IGF2R: variants seen among roughly 807,000 people sequenced by gnomAD.
IGF2R encodes insulin like growth factor 2 receptor.
IGF2R carries 91 observed loss-of-function variants against 270.6 expected under a neutral mutation model. The ratio of observed to expected loss-of-function variants is 0.34; its 90% CI spans 0.28 to 0.40. IGF2R has a LOEUF of 0.40. IGF2R is among the 10% of genes least tolerant of loss of function. The pLI, the probability that IGF2R is intolerant of heterozygous loss-of-function variation, is 1.00. For missense variants in IGF2R, 2,805 were observed against 3,188.3 expected, an observed-to-expected ratio of 0.88 and a Z score of 2.90; for synonymous variants, 1,316 against 1,258.9, an observed-to-expected ratio of 1.05 and a Z score of -0.96.
chr6:159,981,967 C>T (rs545909712), intron 1 of IGF2R, among the ~76,000 whole-genome samples: 2 of 152,310 alleles, frequency 1.3e-5, no homozygotes, highest in Non-Finnish European at 2.9e-5. Flanking sequence ...TTGTATTTGT[C>T]GGCCCTGTAT....
intron 2 of IGF2R, chr6:160,005,432 C>CAG (rs1488198901): frequency 6.6e-6 from 1 of 152,120 alleles, no homozygotes; most frequent in East Asian, 1.9e-4. Context: ...GCCGGTGTCG[C>CAG]CCTTGGCCAC....
In IGF2R at chr6:160,079,790, A is replaced by G; in HGVS notation, c.5686+3A>G. ...GAATGGTGATCGTTGCCCTCCAGGT[A>G]AATATTTGCAATGAGGTAAATAAAC... On this transcript the variant is annotated splice_donor_region_variant and intron_variant, in intron 38 of 47. Transcript: ENST00000356956. The G allele has an allele frequency of 6.9e-7, 1 of 1,449,224 alleles. No homozygotes were observed. The highest frequency in any genetic ancestry group is 9.1e-7 in the Non-Finnish European group (1 of 1,096,292). 89.8% of individuals were successfully genotyped at this position (1,449,224 alleles called of 1,614,324 possible). A position where few individuals can be genotyped will look rare whatever the true frequency, so the allele number is the denominator to read the frequency against.
intron 4 of IGF2R, among the ~76,000 whole-genome samples, chr6:160,018,111 C>T (rs993899159): frequency 6.6e-6 from 1 of 151,904 alleles, no homozygotes; most frequent in Admixed American, 6.6e-5. Flanking sequence ...ATGCTGCTTA[C>T]AAGAAAGCCA....
chr6:160,023,840 A>G (rs1777492344), intron 4 of IGF2R, among the ~76,000 whole-genome samples: 1 of 152,116 alleles, frequency 6.6e-6, no homozygotes, highest in African/African-American at 2.4e-5. Context: ...GTAGACAGGA[A>G]AGAGGGCTGC....
At chr6:160,093,349 G>T in intron 44 of IGF2R, 1 of 254,200 alleles carries the variant, frequency 3.9e-6, no homozygotes, top group Non-Finnish European at 7.8e-6. Flanking sequence ...CCTCTTTTTG[G>T]GCAAGGTTAA....
Position 160,089,126 on chromosome 6 carries a change from A to T in IGF2R, c.6340A>T (p.Thr2114Ser). The change falls in exon 43 of 48, where the codon ACT (threonine) becomes TCT (serine). Residue 2114 changes from threonine to serine, a missense_variant. Coordinates refer to ENST00000356956, the MANE Select transcript of IGF2R (RefSeq NM_000876.4). ...AFKRFDIDSC[T>S]YYFSWDSRAA... is the part of the protein sequence containing the mutation. ...TCCTAGGTTTGATATCGACAGCTGCACTTACTACTTCAGCTGGGACTCCCG... is the reference window on the plus strand; with the variant it reads ...TCCTAGGTTTGATATCGACAGCTGCTCTTACTACTTCAGCTGGGACTCCCG... 6.2e-7 allele frequency: 1 copy of T among 1,613,984 alleles called. No homozygotes were observed. The highest frequency in any genetic ancestry group is 8.5e-7 in the Non-Finnish European group (1 of 1,179,880).
Position 160,104,678 on chromosome 6 carries a change from A to G in IGF2R, c.7070A>G (p.Asn2357Ser). Residue 2357 changes from asparagine to serine, a missense_variant, in exon 48 of 48, where the codon AAT (asparagine) becomes AGT (serine). This residue lies in a region of IGF2R where 1,851 missense variants were observed against 2,207.2 expected (regional missense o/e 0.84). Transcript: ENST00000356956. The part of the protein sequence containing the change: ...SNVSYKYSKV[N>S]KEEETDENET... ...TCTGCTGTTGATCCCTGGCAGGTGAATAAGGAAGAAGAGACAGATGAGAAT... is the reference window on the plus strand; with the variant it reads ...TCTGCTGTTGATCCCTGGCAGGTGAGTAAGGAAGAAGAGACAGATGAGAAT... The G allele has an allele frequency of 1.9e-6, 3 of 1,611,680 alleles. No homozygotes were observed. The highest frequency in any genetic ancestry group is 2.5e-6 in the Non-Finnish European group (3 of 1,178,648).
chr6:160,039,330 G>A (rs4709392), intron 10 of IGF2R, among the ~76,000 whole-genome samples: 45,369 of 152,064 alleles, frequency 0.3, 7,698 homozygotes, highest in East Asian at 0.75. Context: ...CTAAAAATAC[G>A]ATACTATAAT....
chr6:160,036,225 T>C (rs1777820851), intron 10 of IGF2R, among the ~76,000 whole-genome samples: 3 of 152,164 alleles, frequency 2.0e-5, no homozygotes, highest in African/African-American at 7.2e-5. Flanking sequence ...GGACCTCGCA[T>C]CTGGTCTGAG....
At chr6:160,036,602 G>T (rs1307781818) in intron 10 of IGF2R, among the ~76,000 whole-genome samples, 1 of 152,168 alleles carries the variant, frequency 6.6e-6, no homozygotes, top group Non-Finnish European at 1.5e-5. Flanking sequence ...ATTTGGGGAT[G>T]CTGGGAAGAC....
In IGF2R at chr6:160,040,312, C is replaced by T. The variant is rs8191773; in HGVS notation, c.1316-248C>T. Among the ~76,000 whole-genome samples the T allele has an allele frequency of 3.9e-4, 59 of 152,316 alleles. No individual in the cohort carries two copies. The South Asian group carries it at 0.012, about 32-fold the overall frequency. On this transcript the variant is annotated intron_variant, in intron 10 of 47. Coordinates refer to ENST00000356956, the MANE Select transcript of IGF2R (RefSeq NM_000876.4). ...ATCTTATCTTTGGAGATGCTGTACA[C>T]AGCCTTCTGTCAATGTCTCCCAAGG...
intron 32 of IGF2R, 51 bp downstream of exon 32, chr6:160,072,087 C>A: frequency 6.2e-7 from 1 of 1,609,106 alleles, no homozygotes; most frequent in Non-Finnish European, 8.5e-7. Flanking sequence ...AGACGGTGCC[C>A]CCACCAAACC....
chr6:160,056,633 G>T, intron 20 of IGF2R, 108 bp downstream of exon 20: 1 of 761,326 alleles, frequency 1.3e-6, no homozygotes, highest in Non-Finnish European at 2.3e-6. Flanking sequence ...TTCTGAATCA[G>T]TTACTATGTT....
At chr6:160,005,956 C>G (rs930200582) in intron 2 of IGF2R, 1 of 160,750 alleles carries the variant, frequency 6.2e-6, no homozygotes, top group Non-Finnish European at 1.4e-5. Context: ...ATGGGGCTCC[C>G]GGTGCCTTCT....
At chr6:160,077,301 A>C (rs938906257) in intron 36 of IGF2R, among the ~76,000 whole-genome samples, 1 of 152,166 alleles carries the variant, frequency 6.6e-6, no homozygotes, top group African/African-American at 2.4e-5. Flanking sequence ...TGCACACAGC[A>C]TGGGGCAACG....
At chr6:160,083,327 C>T (rs1352647734) in intron 39 of IGF2R, among the ~76,000 whole-genome samples, 1 of 152,234 alleles carries the variant, frequency 6.6e-6, no homozygotes. Flanking sequence ...TCTCGCCTCC[C>T]GCCACAGGGC....
At chr6:160,020,121 G>A (rs2115217924) in intron 4 of IGF2R, among the ~76,000 whole-genome samples, 1 of 152,020 alleles carries the variant, frequency 6.6e-6, no homozygotes, top group Middle Eastern at 3.4e-3. Context: ...AGGATACAGA[G>A]TCATTGTACA....
At chr6:160,068,065 G>GGGGTGTGT (rs1554246615) in intron 29 of IGF2R, among the ~76,000 whole-genome samples, 184 bp from the exon 30 acceptor site, 1 of 77,402 alleles carries the variant, frequency 1.3e-5, no homozygotes, top group Non-Finnish European at 3.0e-5. Context: ...TCTGATGGGG[G>GGGGTGTGT]GTGTGTGTGT....
rs779282645 is a variant in IGF2R, at chr6:160,072,849, T to C, written c.4655T>C (p.Ile1552Thr). The change falls in exon 33 of 48, where the codon ATC becomes ACC. Residue 1552 changes from isoleucine to threonine, a missense_variant. Physicochemically the swap from Ile to Thr is moderately conservative, Grantham distance 89. Coordinates refer to ENST00000356956, the MANE Select transcript of IGF2R (RefSeq NM_000876.4). ...GAGAAGGGGTTGGTTTACATGAGCA[T>C]CTGTGGGGAGAATGAAAACTGCCCT... ...YSEKGLVYMSICGENENCPPG... is the reference protein window; with the variant it reads ...YSEKGLVYMSTCGENENCPPG... The C allele has an allele frequency of 9.9e-6, 16 of 1,613,948 alleles. No individual in the cohort carries two copies. The East Asian group carries it at 3.6e-4, about 36-fold the overall frequency.
Sources: allele counts gnomAD v4.1 joint callset (sites outside exome capture counted in the v4.1 genomes callset), GRCh38; gene constraint gnomAD v4.1.1; regional missense constraint gnomAD v4.1.1; transcripts MANE v1.5; gene names NCBI Gene and HGNC (gene_info 2026-07-23, HGNC 2026-07-21).